Variants in TAFA1 observed in about 807,000 individuals in gnomAD.
TAFA1 encodes the protein TAFA chemokine like family member 1.
In TAFA1, 4 loss-of-function variants were observed where a neutral mutation model predicts 18.5. The observed-to-expected ratio is 0.22, with a 90% CI of 0.11 to 0.49. TAFA1 has a LOEUF of 0.49. Ranked by LOEUF, TAFA1 falls within the 20% of genes least tolerant of loss-of-function variation. The probability of loss-of-function intolerance (pLI) is 0.98; values close to 1 mark genes in which losing one functional copy is unlikely to be tolerated. For synonymous variants in TAFA1, 56 were observed against 55.2 expected (o/e 1.01, Z -0.06); for missense variants, 147 against 169.0 (o/e 0.87, Z 0.72).
chr3:68,481,818 C>T (rs1038800667), intron 3 of TAFA1, among the ~76,000 whole-genome samples: 2 of 152,050 alleles, frequency 1.3e-5, no homozygotes, highest in Non-Finnish European at 2.9e-5. Flanking sequence ...AATACGAATT[C>T]CTTCATTATT....
At chr3:68,364,661 A>G (rs2069532294) in intron 2 of TAFA1, among the ~76,000 whole-genome samples, 2 of 152,194 alleles carry the variant, frequency 1.3e-5, no homozygotes, top group African/African-American at 2.4e-5. Flanking sequence ...CATAGACTAT[A>G]TATTCTTCAA....
intron 3 of TAFA1, among the ~76,000 whole-genome samples, chr3:68,452,310 G>T (rs1327076810): frequency 6.6e-6 from 1 of 151,956 alleles, no homozygotes; most frequent in Admixed American, 6.6e-5. Flanking sequence ...ATCACCTGAG[G>T]TCAGGAGTTC....
chr3:68,428,500 C>T (rs2071101309), intron 3 of TAFA1, among the ~76,000 whole-genome samples: 1 of 151,812 alleles, frequency 6.6e-6, no homozygotes. Flanking sequence ...GAGGAGAAAC[C>T]TGGGTTCCTA....
chr3:68,481,034 C>G (rs551515731), intron 3 of TAFA1, among the ~76,000 whole-genome samples: 284 of 152,284 alleles, frequency 1.9e-3, no homozygotes, highest in Middle Eastern at 3.4e-3. Flanking sequence ...ATTGTGAGGC[C>G]TTCCCAGCCA....
chr3:68,437,680 G>C (rs2071287954), intron 3 of TAFA1, among the ~76,000 whole-genome samples: 1 of 152,016 alleles, frequency 6.6e-6, no homozygotes, highest in Non-Finnish European at 1.5e-5. Flanking sequence ...TCATTGATAA[G>C]GGCAGAGTCC....
chr3:68,197,537 G>A lies in TAFA1; in HGVS notation c.118+190793G>A, dbSNP rs369209493. Among the ~76,000 whole-genome samples, 9 of 151,502 alleles carry A rather than the reference G, an allele frequency of 5.9e-5. No individual in the cohort carries two copies. In the East Asian group the frequency reaches 1.8e-3, roughly 30 times the overall value. ...GGTGGCTTTATTCTCCATATCAGTG[G>A]CAACATCTAATTATAAAGAAAGAAA... On this transcript the variant is annotated intron_variant, in intron 2 of 4. Transcript: ENST00000478136.
intron 2 of TAFA1, among the ~76,000 whole-genome samples, chr3:68,406,402 A>G (rs2070610143): frequency 6.6e-6 from 1 of 152,186 alleles, no homozygotes. Flanking sequence ...ATTGCACCCT[A>G]GAATGAACGT....
At chr3:68,518,830 AT>A (rs1033975010) in intron 3 of TAFA1, among the ~76,000 whole-genome samples, 1 of 152,180 alleles carries the variant, frequency 6.6e-6, no homozygotes, top group African/African-American at 2.4e-5. Context: ...AAAAATTGGG[AT>A]TACTGCTGGG....
intron 2 of TAFA1, among the ~76,000 whole-genome samples, chr3:68,259,543 A>G (rs1014573190): frequency 2.0e-5 from 3 of 152,016 alleles, no homozygotes; most frequent in African/African-American, 7.3e-5. Context: ...GGCCATTTTC[A>G]CGATATTGAT....
chr3:68,405,477 G>A (rs1419676304), intron 2 of TAFA1, among the ~76,000 whole-genome samples: 1 of 150,546 alleles, frequency 6.6e-6, no homozygotes, highest in Admixed American at 6.6e-5. Context: ...GACCAGCGTG[G>A]TTTGTAACCT....
At chr3:68,397,588 A>G (rs565856723) in intron 2 of TAFA1, among the ~76,000 whole-genome samples, 1 of 152,270 alleles carries the variant, frequency 6.6e-6, no homozygotes, top group African/African-American at 2.4e-5. Flanking sequence ...GTTGTTTGCA[A>G]GTCTTTGCTA....
In TAFA1 at chr3:68,223,029, A is replaced by G. The variant is rs1007585464; in HGVS notation, c.119-194251A>G. The stretch of plus-strand genomic sequence containing the variant: ...TCTATTGAACATTCTTCATTATGGC[A>G]TTTTTTTCCCACAAATATGACAATG... On this transcript the variant is annotated intron_variant, in intron 2 of 4. Transcript: ENST00000478136. 4.6e-5 allele frequency among the ~76,000 whole-genome samples: 7 copies of G among 151,788 alleles called. No individual in the cohort carries two copies. The East Asian group carries it at 1.0e-3, about 22-fold the overall frequency.
rs566542062 is a variant in TAFA1, at chr3:68,184,241, A to G, written c.118+177497A>G. Among the ~76,000 whole-genome samples the G allele has an allele frequency of 2.0e-5, 3 of 152,234 alleles. No homozygotes were observed. In the East Asian group the frequency reaches 5.8e-4, roughly 30 times the overall value. ...ACTAACATTTATGATAATTCAGATG[A>G]TTGACAGAGGATGGATACGGTAATG... On this transcript the variant is annotated intron_variant, in intron 2 of 4. Coordinates refer to ENST00000478136, the MANE Select transcript of TAFA1 (RefSeq NM_213609.4).
rs562438507 is a variant in TAFA1, at chr3:68,225,321, T to A, written c.119-191959T>A. ...ATGGGAAGTTTTCAACAACCTGCAA[T>A]GTCTAATCGGAACTTGTGCCCATTT... is the stretch of plus-strand genomic sequence containing the variant. On this transcript the variant is annotated intron_variant, in intron 2 of 4. Transcript: ENST00000478136. Among the ~76,000 whole-genome samples the A allele has an allele frequency of 1.2e-3, 178 of 152,294 alleles. 1 individual carries two copies. The highest frequency in any genetic ancestry group is 3.4e-3 in the African/African-American group (143 of 41,566).
chr3:68,520,618 A>G (rs964532257), intron 3 of TAFA1, among the ~76,000 whole-genome samples: 1 of 152,200 alleles, frequency 6.6e-6, no homozygotes, highest in Non-Finnish European at 1.5e-5. Context: ...AAGAAAACCC[A>G]ACATTACCAC....
intron 2 of TAFA1, among the ~76,000 whole-genome samples, chr3:68,170,116 C>G (rs2066034187): frequency 6.6e-6 from 1 of 152,102 alleles, no homozygotes; most frequent in African/African-American, 2.4e-5. Context: ...GTAAGAAGAT[C>G]AAGATTTATG....
chr3:68,011,627 T>A (rs756113321), intron 2 of TAFA1, among the ~76,000 whole-genome samples: 1 of 152,218 alleles, frequency 6.6e-6, no homozygotes, highest in Non-Finnish European at 1.5e-5. Context: ...GTTTTATAAC[T>A]GTAATATAAA....
At chr3:68,272,209 T>C (rs1044563742) in intron 2 of TAFA1, among the ~76,000 whole-genome samples, 1 of 152,194 alleles carries the variant, frequency 6.6e-6, no homozygotes, top group Admixed American at 6.5e-5. Flanking sequence ...CCACGTTAGC[T>C]TCTGTGTGCT....
chr3:68,544,020 A>C (rs1030392811), intron 4 of TAFA1, among the ~76,000 whole-genome samples: 1 of 152,112 alleles, frequency 6.6e-6, no homozygotes, highest in African/African-American at 2.4e-5. Flanking sequence ...TAACTTACCC[A>C]GTTCAAATTC....
Sources: gnomAD v4.1 joint callset for allele counts (sites outside exome capture counted in the v4.1 genomes callset) on GRCh38, gnomAD v4.1.1 for gene constraint, MANE v1.5 for transcripts, NCBI Gene and HGNC (gene_info 2026-07-23, HGNC 2026-07-21) for gene names.